The following CACNA2D4 variants were observed in gnomAD, a reference collection of about 807,000 sequenced individuals.
The protein encoded by CACNA2D4 is voltage-dependent calcium channel subunit alpha-2/delta-4.
In CACNA2D4, 157 loss-of-function variants were observed where a neutral mutation model predicts 163.8. The observed-to-expected ratio is 0.96, with a 90% confidence interval of 0.84 to 1.09. The LOEUF is 1.09. Ranked by LOEUF, CACNA2D4 falls within the 50% of genes least tolerant of loss-of-function variation. The probability of loss-of-function intolerance (pLI) is 0.00; values close to 1 mark genes in which losing one functional copy is unlikely to be tolerated. For missense variants in CACNA2D4, 1,410 were observed against 1,479.9 expected (o/e 0.95, Z 0.78); for synonymous variants, 598 against 586.9 (o/e 1.02, Z -0.27).
At chr12:1,880,618 C>T (rs1164194749) in intron 13 of CACNA2D4, among the ~76,000 whole-genome samples, 4 of 152,216 alleles carry the variant, frequency 2.6e-5, no homozygotes, top group African/African-American at 7.2e-5. Flanking sequence ...ATCGTAAGTC[C>T]GACCTTGGAT....
At chr12:1,890,095 A>C (rs1405489607) in intron 6 of CACNA2D4, among the ~76,000 whole-genome samples, 3 of 152,208 alleles carry the variant, frequency 2.0e-5, no homozygotes, top group Admixed American at 6.5e-5. Context: ...GACCCCCAGC[A>C]GTCCACATTC....
chr12:1,884,259 A>G lies in CACNA2D4; in HGVS notation c.1335T>C (p.Ile445=). 1 of 1,612,314 alleles carries G rather than the reference A, an allele frequency of 6.2e-7. No individual in the cohort carries two copies. Residue 445 remains isoleucine (I), a synonymous_variant, in exon 12 of 38, where the codon ATT becomes ATC. Transcript: ENST00000382722. ...GGCACTCACCTTTGTTGTTGCATGC[A>G]ATCCACTTCATGCGGTCAGCAAAAG... ...EVSFADRMKW[I]ACNNKGYYTQ...
At chr12:1,892,708 T>A (rs1265008166) in intron 6 of CACNA2D4, among the ~76,000 whole-genome samples, 1 of 150,878 alleles carries the variant, frequency 6.6e-6, no homozygotes, top group African/African-American at 2.4e-5. Flanking sequence ...CTGAATGGTT[T>A]AAAAAAAAAG....
intron 6 of CACNA2D4, among the ~76,000 whole-genome samples, chr12:1,898,632 G>A (rs1450412749): frequency 6.6e-6 from 1 of 152,006 alleles, no homozygotes; most frequent in African/African-American, 2.4e-5. Flanking sequence ...TAGAAAAGTC[G>A]GAACCCTTGT....
chr12:1,799,160 C>T lies in CACNA2D4; in HGVS notation c.2995+515G>A, dbSNP rs1012732238. 6.6e-6 allele frequency among the ~76,000 whole-genome samples: 1 copy of T among 152,190 alleles called. No homozygotes were observed. The highest frequency in any genetic ancestry group is 1.5e-5 in the Non-Finnish European group (1 of 68,018). On this transcript the variant is annotated intron_variant, in intron 34 of 37. Transcript: ENST00000382722. The surrounding 1 kb of genome is among the most constrained non-coding windows in gnomAD (Gnocchi z 4.7). Reference sequence around the variant, plus strand: ...CCCGGGCAGTGAGTGCTTTGAAAGGCCAGGCTCATTGCCGCCCTGCACGTG... The same window carrying T: ...CCCGGGCAGTGAGTGCTTTGAAAGGTCAGGCTCATTGCCGCCCTGCACGTG...
rs1415072741 is a variant in CACNA2D4 at position 1,883,132 on chromosome 12, G to A, written c.1352-132C>T. On this transcript the variant is annotated intron_variant, in intron 12 of 37. Transcript: ENST00000382722. The surrounding 1 kb of genome is among the most constrained non-coding windows in gnomAD (Gnocchi z 4.5). ...TCTGGAAACTGGACCGGGGCACAGGGAGCTGCTTCCCCACAGTTGTGTCCT... is the reference window on the plus strand; with the variant it reads ...TCTGGAAACTGGACCGGGGCACAGGAAGCTGCTTCCCCACAGTTGTGTCCT... The A allele has an allele frequency of 1.9e-6, 2 of 1,053,382 alleles. No homozygotes were observed. Among genetic ancestry groups the A allele is most frequent in the African/African-American group, 3.2e-5 (2 of 62,804 alleles). 65.3% of individuals were successfully genotyped at this position (1,053,382 alleles called of 1,614,324 possible).
intron 26 of CACNA2D4, among the ~76,000 whole-genome samples, chr12:1,838,629 G>T (rs1864943920): frequency 6.6e-6 from 1 of 152,192 alleles, no homozygotes; most frequent in Non-Finnish European, 1.5e-5. Flanking sequence ...TAAACTGGAG[G>T]CACTGGGACA....
At chr12:1,837,614 C>T (rs1256508650) in intron 26 of CACNA2D4, among the ~76,000 whole-genome samples, 1 of 152,158 alleles carries the variant, frequency 6.6e-6, no homozygotes, top group Non-Finnish European at 1.5e-5. Flanking sequence ...CTTTGGATAA[C>T]AACCCAGCGA....
At chr12:1,840,444 G>GC (rs1265392849) in intron 26 of CACNA2D4, among the ~76,000 whole-genome samples, 2 of 137,052 alleles carry the variant, frequency 1.5e-5, no homozygotes, top group East Asian at 2.7e-4. Flanking sequence ...TGTGGAAGAG[G>GC]GGGGTGGGTG....
intron 20 of CACNA2D4, among the ~76,000 whole-genome samples, chr12:1,856,799 T>C (rs1865409629): frequency 6.6e-6 from 1 of 152,190 alleles, no homozygotes; most frequent in African/African-American, 2.4e-5. Flanking sequence ...GATGAGCTGA[T>C]GCTCCATGGC....
At chr12:1,916,986 C>T (rs1463257913) in intron 1 of CACNA2D4, among the ~76,000 whole-genome samples, 1 of 152,206 alleles carries the variant, frequency 6.6e-6, no homozygotes, top group Admixed American at 6.5e-5. Flanking sequence ...GCCCTCAGCC[C>T]ACTCCTGGAG....
chr12:1,868,340 G>A (rs1432260408), intron 18 of CACNA2D4, among the ~76,000 whole-genome samples: 4 of 152,114 alleles, frequency 2.6e-5, no homozygotes, highest in Admixed American at 6.5e-5. Flanking sequence ...ATTATGCTAC[G>A]TGAAATTAGC....
chr12:1,805,435 G>A (rs1345319779), intron 29 of CACNA2D4, among the ~76,000 whole-genome samples: 2 of 152,204 alleles, frequency 1.3e-5, no homozygotes, highest in Non-Finnish European at 2.9e-5. Context: ...GACAGCCTCC[G>A]TTTCTTCTCT....
chr12:1,808,003 A>G (rs973092154), intron 29 of CACNA2D4, among the ~76,000 whole-genome samples: 2 of 152,198 alleles, frequency 1.3e-5, no homozygotes, highest in East Asian at 3.9e-4. Flanking sequence ...TACATTATAA[A>G]ATATAAATCT....
chr12:1,892,322 C>T (rs1866305372), intron 6 of CACNA2D4, among the ~76,000 whole-genome samples: 1 of 152,130 alleles, frequency 6.6e-6, no homozygotes, highest in Non-Finnish European at 1.5e-5. Context: ...AAAGTTATTC[C>T]TTATAAACAA....
At position 1,795,403 on chromosome 12, in the gene CACNA2D4, T is replaced by C. The variant is rs376803797; in HGVS notation, c.3227-22A>G. 3.6e-5 allele frequency: 58 copies of C among 1,602,088 alleles called. No individual in the cohort carries two copies. In the South Asian group the frequency reaches 3.9e-4, roughly 11 times the overall value. ...TTATGTGCAGAAGCCACTGTTAAGGTCAATATCTCAGGACCGGAGCCCATT... is the reference window on the plus strand; with the variant it reads ...TTATGTGCAGAAGCCACTGTTAAGGCCAATATCTCAGGACCGGAGCCCATT... On this transcript the variant is annotated intron_variant, in intron 36 of 37. Transcript: ENST00000382722.
chr12:1,860,165 G>A lies in CACNA2D4; in HGVS notation c.1920C>T (p.Asp640=), dbSNP rs1453755614. 1.9e-6 allele frequency: 3 copies of A among 1,613,726 alleles called. No individual in the cohort carries two copies. The African/African-American group carries it at 4.0e-5, about 21-fold the overall frequency. Residue 640 remains aspartate (D), a synonymous_variant, in exon 19 of 38, where the codon GAC becomes GAT. Transcript: ENST00000382722. The stretch of plus-strand genomic sequence containing the variant: ...CTCACCTGAAAGGGGTGTCGCTGAT[G>A]TCCGTGAAGAAGTAGTCATTGGTCA... The part of the protein sequence containing the change: ...LFLTNDYFFT[D]ISDTPFSLGV...
At chr12:1,908,171 G>T (rs931906562) in intron 4 of CACNA2D4, 134 bp from the exon 5 acceptor site, 3 of 889,798 alleles carry the variant, frequency 3.4e-6, no homozygotes, top group African/African-American at 3.3e-5. Context: ...ACAAGCACCC[G>T]CGGCGGCGCG....
At position 1,828,254 on chromosome 12, in the gene CACNA2D4, G is replaced by A; in HGVS notation, c.2551+12485C>T. 6.6e-7 allele frequency: 1 copy of A among 1,511,498 alleles called. No homozygotes were observed. The highest frequency in any genetic ancestry group is 8.9e-7 in the Non-Finnish European group (1 of 1,123,852). The allele number at this position is 1,511,498 out of a possible 1,614,324, so 93.6% of individuals were successfully genotyped here. A position where few individuals can be genotyped will look rare whatever the true frequency, so the allele number is the denominator to read the frequency against. ...TGGCCTCGGAGGGGGGTGCGGGTTG[G>A]GTGGGGGTGCCGAGGTGACTGTAGG... is the stretch of plus-strand genomic sequence containing the variant. On this transcript the variant is annotated intron_variant, in intron 26 of 37. Coordinates refer to ENST00000382722, the MANE Select transcript of CACNA2D4 (RefSeq NM_172364.5). The surrounding 1 kb of genome is among the most constrained non-coding windows in gnomAD (Gnocchi z 4.2).
Sources: allele counts gnomAD v4.1 joint callset (sites outside exome capture counted in the v4.1 genomes callset), GRCh38; gene constraint gnomAD v4.1.1; non-coding constraint Gnocchi (gnomAD v3.1); transcripts MANE v1.5; gene names NCBI Gene and HGNC (gene_info 2026-07-23, HGNC 2026-07-21).